Variants in ACOX3 observed in about 807,000 individuals in gnomAD.
The protein encoded by ACOX3 is peroxisomal acyl-coenzyme A oxidase 3.
A neutral mutation model predicts 81.5 loss-of-function variants in ACOX3; 73 were observed. That is an observed-to-expected ratio of 0.90 (90% confidence interval 0.74 to 1.09). The LOEUF is 1.09. ACOX3 is among the 50% of genes least tolerant of loss of function. ACOX3 has a pLI of 0.00. For synonymous variants in ACOX3, 387 were observed against 375.1 expected (o/e 1.03, Z -0.37); for missense variants, 947 against 928.0 (o/e 1.02, Z -0.27).
intron 1 of ACOX3, among the ~76,000 whole-genome samples, chr4:8,433,271 T>C (rs556584665): frequency 6.6e-6 from 1 of 152,370 alleles, no homozygotes; most frequent in South Asian, 2.1e-4. Flanking sequence ...TATGAGATTA[T>C]ACTGGATTAG....
chr4:8,427,954 G>A (rs1311283693), intron 1 of ACOX3, among the ~76,000 whole-genome samples: 1 of 152,118 alleles, frequency 6.6e-6, no homozygotes, highest in Non-Finnish European at 1.5e-5. Context: ...ATACAGTGAC[G>A]CCTGCCTAGT....
Position 8,406,895 on chromosome 4 carries a change from C to T in ACOX3, c.688-852G>A, listed in dbSNP as rs540927638. ...AGACGGTTAGTCCTCCGGATAACTG[C>T]GGGCAAGCCTGACAAATGTCAGGCC... On this transcript the variant is annotated intron_variant, in intron 6 of 17. Coordinates refer to ENST00000356406, the MANE Select transcript of ACOX3 (RefSeq NM_003501.3). This position sits in a 1 kb window ranked among gnomAD's most constrained non-coding sequence, Gnocchi z 5.6. Among the ~76,000 whole-genome samples the T allele has an allele frequency of 1.5e-4, 23 of 152,182 alleles. No individual in the cohort carries two copies. Among genetic ancestry groups the T allele is most frequent in the Non-Finnish European group, 2.8e-4 (19 of 68,018 alleles).
At chr4:8,427,668 C>T (rs1723631542) in intron 1 of ACOX3, among the ~76,000 whole-genome samples, 3 of 152,212 alleles carry the variant, frequency 2.0e-5, no homozygotes, top group Admixed American at 6.5e-5. Context: ...AGGTTCCATT[C>T]CTTGGAATCC....
At chr4:8,390,029 G>A (rs1208813055) in intron 11 of ACOX3, among the ~76,000 whole-genome samples, 1 of 151,044 alleles carries the variant, frequency 6.6e-6, no homozygotes, top group Non-Finnish European at 1.5e-5. Context: ...CTTGAGCCTG[G>A]GAGGCGGAGG....
intron 8 of ACOX3, among the ~76,000 whole-genome samples, chr4:8,398,811 A>G (rs972735167): frequency 6.6e-6 from 1 of 152,208 alleles, no homozygotes; most frequent in African/African-American, 2.4e-5. Context: ...TGCCTTCTAG[A>G]GGACAAGCTT....
downstream of ACOX3, among the ~76,000 whole-genome samples, chr4:8,366,110 T>C (rs1715416881): frequency 6.6e-6 from 1 of 152,042 alleles, no homozygotes; most frequent in African/African-American, 2.4e-5. Context: ...AACCTAACAC[T>C]GGGAAGGGCA....
At position 8,399,725 on chromosome 4, in the gene ACOX3, C is replaced by A; in HGVS notation, c.777-73G>T. On this transcript the variant is annotated intron_variant, in intron 7 of 17. Transcript: ENST00000356406. This position sits in a 1 kb window ranked among gnomAD's most constrained non-coding sequence, Gnocchi z 4.9. ...GGCTCTTCTCTTCTCCAAGGGCAGCCTAAAAGCTGATGCAATCCCCGAGGA... is the reference window on the plus strand; with the variant it reads ...GGCTCTTCTCTTCTCCAAGGGCAGCATAAAAGCTGATGCAATCCCCGAGGA... The A allele has an allele frequency of 7.2e-7, 1 of 1,382,130 alleles. No individual in the cohort carries two copies. The highest frequency in any genetic ancestry group is 1.0e-6 in the Non-Finnish European group (1 of 977,346). The allele number at this position is 1,382,130 out of a possible 1,614,324, so 85.6% of individuals were successfully genotyped here. A position where few individuals can be genotyped will look rare whatever the true frequency, so the allele number is the denominator to read the frequency against.
intron 1 of ACOX3, among the ~76,000 whole-genome samples, chr4:8,429,693 GGA>G (rs1181398845): frequency 1.3e-5 from 2 of 152,182 alleles, no homozygotes; most frequent in Non-Finnish European, 2.9e-5. Flanking sequence ...AAAGGAAAAG[GGA>G]GAGTCTAAAA....
chr4:8,377,950 C>T (rs949043194), intron 14 of ACOX3, among the ~76,000 whole-genome samples: 4 of 152,160 alleles, frequency 2.6e-5, no homozygotes, highest in African/African-American at 9.6e-5. Context: ...CACCAGCTGC[C>T]CCCTAGACAG....
At chr4:8,357,741 G>A in the ACOX3 span, 3 of 211,724 alleles carry the variant, frequency 1.4e-5, no homozygotes, top group Middle Eastern at 2.0e-3. Context: ...CGTGTGTGGG[G>A]GCTGCACCCT....
chr4:8,376,481 G>A (rs962141573), intron 14 of ACOX3, among the ~76,000 whole-genome samples: 10 of 152,216 alleles, frequency 6.6e-5, no homozygotes, highest in Non-Finnish European at 1.2e-4. Flanking sequence ...ACACAGCAGG[G>A]TGAAGCACAC....
At chr4:8,391,987 A>G (rs1719044288) in intron 11 of ACOX3, among the ~76,000 whole-genome samples, 1 of 152,230 alleles carries the variant, frequency 6.6e-6, no homozygotes, top group African/African-American at 2.4e-5. Flanking sequence ...CTCTGCCTAT[A>G]TTTTGGCCAA....
chr4:8,429,150 C>T (rs1418734295), intron 1 of ACOX3, among the ~76,000 whole-genome samples: 3 of 152,188 alleles, frequency 2.0e-5, no homozygotes, highest in Admixed American at 2.0e-4. Flanking sequence ...AACTAAGACA[C>T]ACACACTTCT....
the ACOX3 span, among the ~76,000 whole-genome samples, chr4:8,360,758 C>T: frequency 5.3e-5 from 8 of 152,152 alleles, no homozygotes; most frequent in Non-Finnish European, 1.0e-4. Context: ...AAGGGTGAGC[C>T]ACTGCGCCCA....
the ACOX3 span, chr4:8,357,638 A>T: frequency 3.6e-6 from 1 of 279,904 alleles, no homozygotes; most frequent in Non-Finnish European, 6.9e-6. Flanking sequence ...TTTCAAAATG[A>T]CTATTACAAA....
At chr4:8,378,683 G>A (rs1293191653) in intron 14 of ACOX3, among the ~76,000 whole-genome samples, 1 of 152,206 alleles carries the variant, frequency 6.6e-6, no homozygotes, top group Non-Finnish European at 1.5e-5. Context: ...ACTGGCTGTT[G>A]AACATGTAAA....
intron 11 of ACOX3, among the ~76,000 whole-genome samples, chr4:8,391,806 C>T (rs1364305022): frequency 6.6e-6 from 1 of 152,244 alleles, no homozygotes; most frequent in Admixed American, 6.5e-5. Context: ...CCCAGGCAAG[C>T]TGGTGGCCTC....
At chr4:8,418,912 G>T (rs1188296447) in intron 1 of ACOX3, among the ~76,000 whole-genome samples, 1 of 152,102 alleles carries the variant, frequency 6.6e-6, no homozygotes, top group Non-Finnish European at 1.5e-5. Flanking sequence ...AGAAAAATAT[G>T]GTCAACATCA....
At chr4:8,387,110 C>T (rs62286007) in intron 13 of ACOX3, among the ~76,000 whole-genome samples, 2,472 of 152,376 alleles carry the variant, frequency 0.016, 20 homozygotes, top group Admixed American at 0.023. Context: ...CCCAGTTGAA[C>T]GTGTGGCACC....
Sources: gnomAD v4.1 joint callset for allele counts (sites outside exome capture counted in the v4.1 genomes callset) on GRCh38, gnomAD v4.1.1 for gene constraint, Gnocchi (gnomAD v3.1) non-coding constraint, MANE v1.5 for transcripts, NCBI Gene and HGNC (gene_info 2026-07-23, HGNC 2026-07-21) for gene names.